Variants in EDEM2 observed in about 807,000 individuals in gnomAD.
EDEM2 encodes the protein ER degradation enhancing alpha-mannosidase like protein 2.
A neutral mutation model predicts 64.8 loss-of-function variants in EDEM2; 39 were observed. The observed-to-expected ratio is 0.60, with a 90% CI of 0.47 to 0.79. The LOEUF (loss-of-function observed/expected upper bound fraction) is 0.79, where lower values mean the gene tolerates loss of function less well. Ranked by LOEUF, EDEM2 falls within the 30% of genes least tolerant of loss-of-function variation. The pLI is 0.00. For synonymous variants in EDEM2, 296 were observed against 291.5 expected, an observed-to-expected ratio of 1.02 and a Z score of -0.16; for missense variants, 609 against 731.3, an observed-to-expected ratio of 0.83 and a Z score of 1.93.
chr20:35,129,293 G>A (rs554748676), intron 7 of EDEM2, among the ~76,000 whole-genome samples: 2 of 152,242 alleles, frequency 1.3e-5, no homozygotes, highest in South Asian at 4.1e-4. Context: ...TGTAATCCCA[G>A]CTACTCGGGA....
intron 2 of EDEM2, among the ~76,000 whole-genome samples, chr20:35,146,002 CAA>C (rs138113879): frequency 0.39 from 31,242 of 80,566 alleles, 1,864 homozygotes; most frequent in South Asian, 0.49. Flanking sequence ...AACTCCATCT[CAA>C]AAAAAAAAAA....
chr20:35,141,254 A>AT (rs2085650242), intron 4 of EDEM2, among the ~76,000 whole-genome samples: 1 of 152,224 alleles, frequency 6.6e-6, no homozygotes, highest in Non-Finnish European at 1.5e-5. Flanking sequence ...CAGAATGGAT[A>AT]AACAAAATAT....
chr20:35,128,065 T>C (rs1667379239), intron 7 of EDEM2, among the ~76,000 whole-genome samples: 2 of 152,198 alleles, frequency 1.3e-5, no homozygotes, highest in African/African-American at 4.8e-5. Flanking sequence ...ACTATATTAT[T>C]ATCATTAGAT....
intron 3 of EDEM2, among the ~76,000 whole-genome samples, chr20:35,143,625 C>G (rs1408471499): frequency 2.0e-5 from 3 of 152,174 alleles, no homozygotes; most frequent in African/African-American, 2.4e-5. Flanking sequence ...AATTTACCCT[C>G]GAGGAATCAC....
At chr20:35,121,093 G>A (rs537400087) in intron 9 of EDEM2, among the ~76,000 whole-genome samples, 2 of 152,336 alleles carry the variant, frequency 1.3e-5, no homozygotes, top group Non-Finnish European at 1.5e-5. Context: ...TCCATGAACT[G>A]GGCTTGTAGG....
intron 4 of EDEM2, among the ~76,000 whole-genome samples, chr20:35,140,560 G>A (rs561229874): frequency 1.3e-5 from 2 of 152,252 alleles, no homozygotes; most frequent in East Asian, 3.9e-4. Context: ...ATAATGTATG[G>A]AAGGTTTAAA....
intron 9 of EDEM2, among the ~76,000 whole-genome samples, chr20:35,122,467 C>T (rs1040244077): frequency 4.6e-5 from 7 of 152,152 alleles, no homozygotes; most frequent in Non-Finnish European, 8.8e-5. Flanking sequence ...TTCTACCTCC[C>T]GGGTTCAAGC....
At chr20:35,123,049 G>C (rs564947089) in intron 9 of EDEM2, among the ~76,000 whole-genome samples, 1 of 152,246 alleles carries the variant, frequency 6.6e-6, no homozygotes, top group Non-Finnish European at 1.5e-5. Context: ...AATGACATTA[G>C]GGCTAGAAAG....
chr20:35,147,295 C>T lies in EDEM2; in HGVS notation c.-37G>A, dbSNP rs763895245. 5 of 1,470,282 alleles carry T rather than the reference C, an allele frequency of 3.4e-6. No individual in the cohort carries two copies. The South Asian group carries it at 5.5e-5, about 16-fold the overall frequency. 91.1% of individuals were successfully genotyped at this position (1,470,282 alleles called of 1,614,324 possible). ...CCTCTCAGCGCCCCCGCAGCAGCAG[C>T]AGCCACTGCAACCAGTTCATCCTGG... On this transcript the variant is annotated 5_prime_UTR_variant, in exon 1 of 11. Transcript: ENST00000374492.
intron 6 of EDEM2, among the ~76,000 whole-genome samples, chr20:35,133,345 T>C (rs1281012677): frequency 1.3e-5 from 2 of 151,888 alleles, no homozygotes; most frequent in African/African-American, 4.8e-5. Context: ...CCAGTGTGCA[T>C]GGAAATGTTA....
intron 5 of EDEM2, 35 bp from the exon 6 acceptor site, chr20:35,134,984 G>A (rs2085556641): frequency 6.9e-6 from 11 of 1,604,538 alleles, no homozygotes; most frequent in African/African-American, 1.3e-5. Context: ...CCGGACAGGA[G>A]CAGGGGGATA....
chr20:35,128,370 A>G lies in EDEM2; in HGVS notation c.845-1995T>C, dbSNP rs547622486. ...TGCACTCCAGCCTGGGCAACAGAGC[A>G]AGACTCTGTCTCCAAAAAAAATAAA... On this transcript the variant is annotated intron_variant, in intron 7 of 10. Transcript: ENST00000374492. Among the ~76,000 whole-genome samples, 31 of 147,638 alleles carry G rather than the reference A, an allele frequency of 2.1e-4. 3 individuals are homozygous for G. The highest frequency in any genetic ancestry group is 7.2e-3 in the Middle Eastern group (2 of 278).
rs753446950 is a variant in EDEM2 at position 35,137,875 on chromosome 20, C to G, written c.490+5G>C. On this transcript the variant is annotated splice_donor_5th_base_variant and intron_variant, in intron 5 of 10. Transcript: ENST00000374492. ...GTCTCTGCCCCATCTCTGTGTGGGT[C>G]TTACCTGGGAGGAGTTTTCGGGCCG... 2.1e-5 allele frequency: 34 copies of G among 1,613,738 alleles called. No homozygotes were observed. Among genetic ancestry groups the G allele is most frequent in the Non-Finnish European group, 2.8e-5 (33 of 1,179,834 alleles).
chr20:35,129,411 GAA>G (rs974099346), intron 7 of EDEM2, among the ~76,000 whole-genome samples: 2 of 139,266 alleles, frequency 1.4e-5, no homozygotes, highest in African/African-American at 5.3e-5. Context: ...TGTCTTTAAA[GAA>G]AAAAAAAATC....
At chr20:35,135,558 C>T (rs1228324623) in intron 5 of EDEM2, among the ~76,000 whole-genome samples, 2 of 152,072 alleles carry the variant, frequency 1.3e-5, no homozygotes, top group Non-Finnish European at 2.9e-5. Flanking sequence ...GACTGAGGCA[C>T]GAGAATCGTT....
intron 10 of EDEM2, among the ~76,000 whole-genome samples, chr20:35,117,403 T>C (rs1334600912): frequency 6.6e-6 from 1 of 152,224 alleles, no homozygotes; most frequent in Non-Finnish European, 1.5e-5. Context: ...TTCCTTGCCC[T>C]GTTTGAGAAA....
chr20:35,146,798 C>A (rs750393239), intron 2 of EDEM2, 27 bp downstream of exon 2: 23 of 1,609,444 alleles, frequency 1.4e-5, no homozygotes, highest in African/African-American at 4.0e-5. Flanking sequence ...AGACCCTGGC[C>A]GCCCCTTGCC....
At chr20:35,116,912 C>G (rs2085315690) in intron 10 of EDEM2, among the ~76,000 whole-genome samples, 1 of 152,066 alleles carries the variant, frequency 6.6e-6, no homozygotes, top group South Asian at 2.1e-4. Flanking sequence ...GCCTCAGCCT[C>G]CAGAGTAGCT....
chr20:35,130,550 G>C (rs1331239514), intron 7 of EDEM2, among the ~76,000 whole-genome samples: 1 of 152,088 alleles, frequency 6.6e-6, no homozygotes, highest in Non-Finnish European at 1.5e-5. Context: ...TTTTTTTAGA[G>C]AGGGGGTCTT....
Sources: allele counts gnomAD v4.1 joint callset (sites outside exome capture counted in the v4.1 genomes callset), GRCh38; gene constraint gnomAD v4.1.1; transcripts MANE v1.5; gene names NCBI Gene and HGNC (gene_info 2026-07-23, HGNC 2026-07-21).